SMARCA5: variants seen among roughly 807,000 people sequenced by gnomAD.
The protein encoded by SMARCA5 is SNF2 related chromatin remodeling ATPase 5.
Under a neutral mutation model 140.4 loss-of-function variants are expected in SMARCA5, and 18 were observed. The observed-to-expected ratio is 0.13, with a 90% CI of 0.09 to 0.19. SMARCA5 has a LOEUF of 0.19. Among genes scored for constraint, SMARCA5 ranks in the 10% least tolerant of loss-of-function variants. The pLI, the probability that SMARCA5 is intolerant of heterozygous loss-of-function variation, is 1.00. For missense variants in SMARCA5, 606 were observed against 1,276.8 expected (o/e 0.47, Z 8.01); for synonymous variants, 449 against 419.6 (o/e 1.07, Z -0.86).
chr4:143,520,169 A>T (rs988853639), intron 2 of SMARCA5, among the ~76,000 whole-genome samples: 4 of 152,144 alleles, frequency 2.6e-5, no homozygotes, highest in Non-Finnish European at 5.9e-5. Flanking sequence ...CTTGATTCCA[A>T]ACATAATTAC....
At chr4:143,520,217 G>A (rs1346272627) in intron 2 of SMARCA5, among the ~76,000 whole-genome samples, 1 of 152,016 alleles carries the variant, frequency 6.6e-6, no homozygotes, top group East Asian at 1.9e-4. Context: ...TTGTAGATGC[G>A]TGCTCTTGGC....
intron 15 of SMARCA5, 75 bp downstream of exon 15, chr4:143,543,732 T>A (rs754959425): frequency 6.2e-5 from 93 of 1,505,198 alleles, no homozygotes; most frequent in Non-Finnish European, 8.4e-5. Flanking sequence ...GTTACATTGA[T>A]GATAAATAAT....
At chr4:143,533,158 T>G (rs1486956765) in intron 9 of SMARCA5, among the ~76,000 whole-genome samples, 1 of 152,184 alleles carries the variant, frequency 6.6e-6, no homozygotes, top group African/African-American at 2.4e-5. Flanking sequence ...GTCTCATTGT[T>G]TAATAAAAGA....
chr4:143,550,691 GTCTT>G (rs1737625282), intron 23 of SMARCA5, among the ~76,000 whole-genome samples: 1 of 151,930 alleles, frequency 6.6e-6, no homozygotes, highest in African/African-American at 2.4e-5. Context: ...TGCCAAGTTT[GTCTT>G]TCTGTGTCTG....
intron 6 of SMARCA5, 27 bp from the exon 7 acceptor site, chr4:143,527,841 A>G: frequency 6.3e-7 from 1 of 1,574,922 alleles, no homozygotes; most frequent in South Asian, 1.2e-5. Context: ...TTTCTACGTG[A>G]TGTAATTTTT....
Position 143,534,809 on chromosome 4 carries a change from T to C in SMARCA5, c.1159-46T>C, listed in dbSNP as rs931124376. On this transcript the variant is annotated intron_variant, in intron 9 of 23. Transcript: ENST00000283131. ...AATTCTAAGATGCTGAAATATGACC[T>C]TATGTGTAATATTGGTATTACCTGT... The C allele has an allele frequency of 3.0e-6, 4 of 1,322,706 alleles. No individual in the cohort carries two copies. In the African/African-American group the frequency reaches 5.9e-5, roughly 20 times the overall value. The allele number at this position is 1,322,706 out of a possible 1,614,324, so 81.9% of individuals were successfully genotyped here.
intron 23 of SMARCA5, among the ~76,000 whole-genome samples, chr4:143,551,634 A>T (rs1737642368): frequency 6.6e-6 from 1 of 152,122 alleles, no homozygotes; most frequent in South Asian, 2.1e-4. Flanking sequence ...TTTTCCCATT[A>T]CCATTTATTG....
Position 143,514,040 on chromosome 4 carries a change from G to A in SMARCA5, c.116G>A (p.Gly39Asp). 6.4e-7 allele frequency: 1 copy of A among 1,557,984 alleles called. No homozygotes were observed. The highest frequency in any genetic ancestry group is 8.6e-7 in the Non-Finnish European group (1 of 1,160,112). The change falls in exon 1 of 24, where the codon GGC becomes GAC. Residue 39 changes from glycine (G) to aspartate (D), a missense_variant. By Grantham distance (94) the Gly-to-Asp change is moderately conservative. This residue lies in a region of SMARCA5 where 164 missense variants were observed against 128.4 expected (regional missense o/e 1.28). Coordinates refer to ENST00000283131, the MANE Select transcript of SMARCA5 (RefSeq NM_003601.4). Reference sequence around the variant, plus strand: ...AGCAGCAACAAAGGCGGCCCCGAAGGCGTCGCGGCGCAGGCGGTTGCGTCT... The same window carrying A: ...AGCAGCAACAAAGGCGGCCCCGAAGACGTCGCGGCGCAGGCGGTTGCGTCT... ...SNSSNKGGPEGVAAQAVASAA... is the reference protein window; with the variant it reads ...SNSSNKGGPEDVAAQAVASAA...
intron 9 of SMARCA5, among the ~76,000 whole-genome samples, chr4:143,533,609 A>G (rs4690792): frequency 1 from 150,806 of 151,460 alleles, 75,082 homozygotes; most frequent in Middle Eastern, 1. Flanking sequence ...CCGGGTTCAC[A>G]CCATTCTCCT....
intron 7 of SMARCA5, 85 bp from the exon 8 acceptor site, chr4:143,528,498 A>G: frequency 8.4e-7 from 1 of 1,187,644 alleles, no homozygotes; most frequent in Non-Finnish European, 1.2e-6. Context: ...ATTGTTGGGC[A>G]TTTGTGTTGG....
At chr4:143,548,961 T>C (rs1737583501) in intron 22 of SMARCA5, among the ~76,000 whole-genome samples, 2 of 152,092 alleles carry the variant, frequency 1.3e-5, no homozygotes. Flanking sequence ...ATACCCAAGT[T>C]TGGGAAATGT....
At chr4:143,525,580 T>G in intron 5 of SMARCA5, 29 bp downstream of exon 5, 1 of 1,379,522 alleles carries the variant, frequency 7.2e-7, no homozygotes, top group Non-Finnish European at 1.0e-6. Context: ...TTTTGAAGGG[T>G]ATGTTTTGTA....
In SMARCA5 at chr4:143,548,037, A is replaced by G. The variant is rs747443665; in HGVS notation, c.2882A>G (p.Lys961Arg). 1.4e-5 allele frequency: 23 copies of G among 1,612,040 alleles called. 1 individual carries two copies. In the South Asian group the frequency reaches 2.3e-4, roughly 16 times the overall value. The change falls in exon 22 of 24, where the codon AAA (lysine) becomes AGA (arginine). Residue 961 changes from lysine to arginine, a missense_variant. Transcript: ENST00000283131. ...EDRFLICMLH[K>R]LGFDKENVYD... ...CGTTTTCTGATTTGTATGCTTCACA[A>G]ACTTGGATTTGACAAAGAAAATGTT...
chr4:143,555,159 A>G lies in SMARCA5; in HGVS notation c.*1975A>G. On this transcript the variant is annotated 3_prime_UTR_variant, in exon 24 of 24. Transcript: ENST00000283131. ...CCACTACTGCTACTGGAACTGCCTT[A>G]GCCACCTTGGTATCGTGGTTTGGCA... is the stretch of plus-strand genomic sequence containing the variant. 1 of 715,250 alleles carries G rather than the reference A, an allele frequency of 1.4e-6. No homozygotes were observed. Among genetic ancestry groups the G allele is most frequent in the East Asian group, 2.6e-5 (1 of 38,380 alleles). The allele number at this position is 715,250 out of a possible 1,614,324, so 44.3% of individuals were successfully genotyped here. A position where few individuals can be genotyped will look rare whatever the true frequency, so the allele number is the denominator to read the frequency against.
chr4:143,518,906 G>C (rs1736897977), intron 2 of SMARCA5, among the ~76,000 whole-genome samples: 1 of 152,020 alleles, frequency 6.6e-6, no homozygotes, highest in Non-Finnish European at 1.5e-5. Flanking sequence ...TGCCAATTCT[G>C]AGGCTTAGTT....
At chr4:143,531,952 C>G (rs1008695210) in intron 9 of SMARCA5, among the ~76,000 whole-genome samples, 8 of 152,116 alleles carry the variant, frequency 5.3e-5, no homozygotes, top group African/African-American at 1.9e-4. Flanking sequence ...TCTGAGCATC[C>G]TAATATTATA....
chr4:143,513,964 G>A lies in SMARCA5; in HGVS notation c.40G>A (p.Glu14Lys), dbSNP rs756319010. The change falls in exon 1 of 24, where the codon GAG becomes AAG. Residue 14 changes from glutamate to lysine, a missense_variant. Transcript: ENST00000283131. ...AAEPPPPPPP[E>K]SAPSKPAASI... The stretch of plus-strand genomic sequence containing the variant: ...CGAGCCTCCGCCACCCCCGCCTCCC[G>A]AGAGCGCGCCTTCCAAGCCCGCAGC... 3 of 1,555,194 alleles carry A rather than the reference G, an allele frequency of 1.9e-6. No individual in the cohort carries two copies. The highest frequency in any genetic ancestry group is 1.2e-5 in the South Asian group (1 of 85,882).
intron 2 of SMARCA5, among the ~76,000 whole-genome samples, chr4:143,517,823 G>T (rs1474759315): frequency 6.6e-6 from 1 of 152,112 alleles, no homozygotes; most frequent in Non-Finnish European, 1.5e-5. Context: ...AGATTTGGAG[G>T]GGGACACAGT....
At chr4:143,544,600 A>G (rs1737486713) in intron 16 of SMARCA5, 137 bp from the exon 17 acceptor site, 7 of 556,498 alleles carry the variant, frequency 1.3e-5, no homozygotes, top group Non-Finnish European at 1.9e-5. Context: ...TGAGCAAAGT[A>G]TCATAGTCTC....
Sources: gnomAD v4.1 joint callset for allele counts (sites outside exome capture counted in the v4.1 genomes callset) on GRCh38, gnomAD v4.1.1 for gene constraint, gnomAD v4.1.1 regional missense constraint, MANE v1.5 for transcripts, NCBI Gene and HGNC (gene_info 2026-07-23, HGNC 2026-07-21) for gene names.